The following SLC6A15 variants were observed in gnomAD, a reference collection of about 807,000 sequenced individuals.
SLC6A15 encodes solute carrier family 6 member 15.
SLC6A15 carries 33 observed loss-of-function variants against 68.5 expected under a neutral mutation model. The observed-to-expected ratio is 0.48, with a 90% CI of 0.37 to 0.64. The LOEUF (loss-of-function observed/expected upper bound fraction) is 0.64, where lower values mean the gene tolerates loss of function less well. SLC6A15 is among the 30% of genes least tolerant of loss of function. The pLI, the probability that SLC6A15 is intolerant of heterozygous loss-of-function variation, is 0.00. For synonymous variants in SLC6A15, 347 were observed against 301.0 expected, an observed-to-expected ratio of 1.15 and a Z score of -1.58; for missense variants, 747 against 874.3, an observed-to-expected ratio of 0.85 and a Z score of 1.84.
intron 10 of SLC6A15, among the ~76,000 whole-genome samples, chr12:84,864,361 C>T (rs1870981624): frequency 6.7e-6 from 1 of 149,014 alleles, no homozygotes; most frequent in South Asian, 2.1e-4. Context: ...CACCTGTTGC[C>T]CAGGCTGGAG....
Position 84,860,158 on chromosome 12 carries a change from C to T in SLC6A15, c.*1474G>A, listed in dbSNP as rs181838031. ...TTATTAACATCTATCTATAGCAGAG[C>T]GAGAATACTGGCTGAAATAAATCAA... On this transcript the variant is annotated 3_prime_UTR_variant, in exon 12 of 12. Coordinates refer to ENST00000266682, the MANE Select transcript of SLC6A15 (RefSeq NM_182767.6). 2.6e-5 allele frequency: 4 copies of T among 152,064 alleles called. No individual in the cohort carries two copies. In the East Asian group the frequency reaches 5.8e-4, roughly 22 times the overall value. The allele number at this position is 152,064 out of a possible 1,614,324, so 9.4% of individuals were successfully genotyped here.
At chr12:84,907,109 G>A (rs780752848) in intron 1 of SLC6A15, among the ~76,000 whole-genome samples, 1 of 152,090 alleles carries the variant, frequency 6.6e-6, no homozygotes, top group Non-Finnish European at 1.5e-5. Context: ...CAGCACTTTG[G>A]GAGGCCCAGA....
chr12:84,861,424 T>A lies in SLC6A15; in HGVS notation c.*208A>T. 2.1e-6 allele frequency: 1 copy of A among 483,368 alleles called. No homozygotes were observed. Among genetic ancestry groups the A allele is most frequent in the Non-Finnish European group, 3.5e-6 (1 of 288,094 alleles). The allele number at this position is 483,368 out of a possible 1,614,324, so 29.9% of individuals were successfully genotyped here. On this transcript the variant is annotated 3_prime_UTR_variant, in exon 12 of 12. Transcript: ENST00000266682. Reference sequence around the variant, plus strand: ...AACATGTACCTCAGCCCTCCTAAGATTTGTCTGCAATCCTTTCTGCACAAA... The same window carrying A: ...AACATGTACCTCAGCCCTCCTAAGAATTGTCTGCAATCCTTTCTGCACAAA...
chr12:84,911,000 G>A (rs1355705096), intron 1 of SLC6A15, among the ~76,000 whole-genome samples: 1 of 151,722 alleles, frequency 6.6e-6, no homozygotes, highest in Admixed American at 6.6e-5. Flanking sequence ...GTTCAAAGAA[G>A]ATTTAGTCCA....
chr12:84,892,141 T>TTTA lies in SLC6A15; in HGVS notation c.-22_-21insTAA. ...GGCATTGGAGAGTATGCGAAGTATT[T>TTTA]AAAAAAAAAAAAAAAAACTCCCTTA... is the stretch of plus-strand genomic sequence containing the variant. On this transcript the variant is annotated 5_prime_UTR_variant, in exon 2 of 12. Transcript: ENST00000266682. 1 of 1,342,732 alleles carries TTTA rather than the reference T, an allele frequency of 7.4e-7. No homozygotes were observed. The highest frequency in any genetic ancestry group is 1.5e-5 in the African/African-American group (1 of 64,952). 83.2% of individuals were successfully genotyped at this position (1,342,732 alleles called of 1,614,324 possible).
At chr12:84,878,642 T>G (rs1871671569) in intron 5 of SLC6A15, among the ~76,000 whole-genome samples, 1 of 152,044 alleles carries the variant, frequency 6.6e-6, no homozygotes, top group African/African-American at 2.4e-5. Context: ...CTTTTTAATT[T>G]TGTTTTAATT....
chr12:84,902,492 A>T (rs1478587931), intron 1 of SLC6A15, among the ~76,000 whole-genome samples: 1 of 151,822 alleles, frequency 6.6e-6, no homozygotes, highest in African/African-American at 2.4e-5. Context: ...ACCAGCAACT[A>T]TATTTCAGAG....
chr12:84,865,027 A>G (rs1871010339), intron 10 of SLC6A15, among the ~76,000 whole-genome samples: 1 of 152,214 alleles, frequency 6.6e-6, no homozygotes, highest in African/African-American at 2.4e-5. Flanking sequence ...TCTATCATGA[A>G]TAACGAACTG....
At chr12:84,908,089 T>C (rs1316235024) in intron 1 of SLC6A15, among the ~76,000 whole-genome samples, 1 of 152,154 alleles carries the variant, frequency 6.6e-6, no homozygotes, top group African/African-American at 2.4e-5. Context: ...TTAATCCTTA[T>C]GTAATGGAAC....
At chr12:84,896,236 A>C (rs1592610759) in intron 1 of SLC6A15, among the ~76,000 whole-genome samples, 1 of 152,354 alleles carries the variant, frequency 6.6e-6, no homozygotes, top group Non-Finnish European at 1.5e-5. Flanking sequence ...ACAATAGAGC[A>C]GGAGTCAACA....
intron 1 of SLC6A15, among the ~76,000 whole-genome samples, chr12:84,911,469 TC>T (rs1409377226): frequency 6.6e-6 from 1 of 152,098 alleles, no homozygotes; most frequent in African/African-American, 2.4e-5. Context: ...CTCCAGCCTT[TC>T]CCAGCTAGGG....
At chr12:84,873,843 T>C (rs1175538241) in intron 6 of SLC6A15, among the ~76,000 whole-genome samples, 1 of 152,224 alleles carries the variant, frequency 6.6e-6, no homozygotes, top group African/African-American at 2.4e-5. Flanking sequence ...TCTTCATTCA[T>C]TCAAAAGTCT....
intron 1 of SLC6A15, among the ~76,000 whole-genome samples, chr12:84,902,156 CT>C (rs1282918387): frequency 2.0e-5 from 3 of 151,618 alleles, no homozygotes; most frequent in Non-Finnish European, 4.4e-5. Flanking sequence ...AAATTGTATC[CT>C]GGTTTACATA....
chr12:84,867,054 G>A lies in SLC6A15; in HGVS notation c.1635C>T (p.Cys545=). The A allele has an allele frequency of 1.2e-6, 2 of 1,604,516 alleles. No homozygotes were observed. The highest frequency in any genetic ancestry group is 2.3e-5 in the East Asian group (1 of 44,394). ...CTTACTTATCTATGCCATAAACAAA[G>A]CATACAGCAATATTCTCCAAAATGA... ...IVVILENIAV[C]FVYGIDKFME... Residue 545 remains cysteine, a synonymous_variant, in exon 10 of 12, where the codon TGC becomes TGT. Coordinates refer to ENST00000266682, the MANE Select transcript of SLC6A15 (RefSeq NM_182767.6).
In SLC6A15 at chr12:84,872,758, C is replaced by G. The variant is rs765093831; in HGVS notation, c.1146G>C (p.Gly382=). The part of the protein sequence containing the change: ...SETIMKFLKM[G]NISQDIIPHH... ...GGGGAATAATATCCTGACTAATGTT[C>G]CCCATTTTCAAAAATTTCATGATCG... The change falls in exon 8 of 12, where the codon GGG becomes GGC. Residue 382 remains glycine, a synonymous_variant. Coordinates refer to ENST00000266682, the MANE Select transcript of SLC6A15 (RefSeq NM_182767.6). The G allele has an allele frequency of 1.6e-5, 26 of 1,602,932 alleles. 1 individual carries two copies. In the South Asian group the frequency reaches 2.8e-4, roughly 18 times the overall value.
chr12:84,862,396 T>G (rs1870892757), intron 11 of SLC6A15, among the ~76,000 whole-genome samples: 1 of 152,152 alleles, frequency 6.6e-6, no homozygotes, highest in Non-Finnish European at 1.5e-5. Context: ...GCCATTAAAT[T>G]TCAGGGTAGT....
chr12:84,907,914 G>GA (rs1873243231), intron 1 of SLC6A15, among the ~76,000 whole-genome samples: 1 of 152,098 alleles, frequency 6.6e-6, no homozygotes, highest in Admixed American at 6.5e-5. Context: ...TATGCTGAGT[G>GA]AAAAAACATC....
At chr12:84,871,935 G>A (rs1871303164) in intron 8 of SLC6A15, among the ~76,000 whole-genome samples, 1 of 152,112 alleles carries the variant, frequency 6.6e-6, no homozygotes, top group African/African-American at 2.4e-5. Flanking sequence ...GGCAGATCAT[G>A]AGGTCAAGTG....
At chr12:84,890,753 G>A (rs1001422694) in intron 2 of SLC6A15, among the ~76,000 whole-genome samples, 3 of 152,002 alleles carry the variant, frequency 2.0e-5, no homozygotes, top group Non-Finnish European at 2.9e-5. Flanking sequence ...ATACGCATGG[G>A]TTTTATTATT....
Sources: allele counts gnomAD v4.1 joint callset (sites outside exome capture counted in the v4.1 genomes callset), GRCh38; gene constraint gnomAD v4.1.1; transcripts MANE v1.5; gene names NCBI Gene and HGNC (gene_info 2026-07-23, HGNC 2026-07-21).